Variants in SYNDIG1L observed in about 807,000 individuals in gnomAD.
SYNDIG1L encodes the protein synapse differentiation-inducing gene protein 1-like.
In SYNDIG1L, 13 loss-of-function variants were observed where a neutral mutation model predicts 20.1. The ratio of observed to expected loss-of-function variants is 0.65; its 90% CI spans 0.42 to 1.03. SYNDIG1L has a LOEUF of 1.03. Ranked by LOEUF, SYNDIG1L falls within the 50% of genes least tolerant of loss-of-function variation. The pLI is 0.00. For missense variants in SYNDIG1L, 294 were observed against 305.1 expected, an observed-to-expected ratio of 0.96 and a Z score of 0.27; for synonymous variants, 128 against 129.3, an observed-to-expected ratio of 0.99 and a Z score of 0.07.
At chr14:74,474,950 A>G in the SYNDIG1L span, 1 of 152,212 alleles carries the variant, frequency 6.6e-6, no homozygotes, top group African/African-American at 2.4e-5. Flanking sequence ...ATGAAAGGGT[A>G]GTCTCTATTC....
the SYNDIG1L span, among the ~76,000 whole-genome samples, chr14:74,441,520 A>T: frequency 6.6e-6 from 1 of 152,114 alleles, no homozygotes; most frequent in African/African-American, 2.4e-5. Flanking sequence ...TTATATATAT[A>T]TTAGAGGCAG....
chr14:74,453,446 C>G, the SYNDIG1L span, among the ~76,000 whole-genome samples: 1 of 133,488 alleles, frequency 7.5e-6, no homozygotes, highest in East Asian at 2.3e-4. Context: ...AAGCAAGGAA[C>G]AGGGGAACAG....
At chr14:74,468,498 C>G in the SYNDIG1L span, among the ~76,000 whole-genome samples, 43 of 151,984 alleles carry the variant, frequency 2.8e-4, 1 homozygote, top group African/African-American at 9.9e-4. Context: ...CCTTTTTTCC[C>G]TCAACCTTTA....
At chr14:74,419,029 C>T (rs2086200123) in intron 1 of SYNDIG1L, among the ~76,000 whole-genome samples, 1 of 152,202 alleles carries the variant, frequency 6.6e-6, no homozygotes, top group South Asian at 2.1e-4. Flanking sequence ...ATCACTGGCA[C>T]ATCATTCCCC....
At chr14:74,435,426 A>G in the SYNDIG1L span, among the ~76,000 whole-genome samples, 1 of 152,254 alleles carries the variant, frequency 6.6e-6, no homozygotes, top group Admixed American at 6.5e-5. Context: ...AATCTTCTGT[A>G]GAATTCAACC....
At chr14:74,427,036 G>A (rs2086272355), upstream of SYNDIG1L, among the ~76,000 whole-genome samples, 1 of 151,572 alleles carries the variant, frequency 6.6e-6, no homozygotes, top group Non-Finnish European at 1.5e-5. Flanking sequence ...TTCCCAGCAA[G>A]AGCCCTGAGA....
chr14:74,425,252 C>T (rs906788167), intron 1 of SYNDIG1L, among the ~76,000 whole-genome samples: 15 of 152,220 alleles, frequency 9.9e-5, no homozygotes, highest in African/African-American at 2.2e-4. Flanking sequence ...GAAAACAGGA[C>T]CCAGGTTCCC....
the SYNDIG1L span, among the ~76,000 whole-genome samples, chr14:74,451,484 T>C: frequency 2.0e-5 from 3 of 152,146 alleles, no homozygotes; most frequent in African/African-American, 7.2e-5. Flanking sequence ...AAGATGACAT[T>C]GGAAAAAAAT....
At chr14:74,430,323 T>C (rs1039483883), upstream of SYNDIG1L, among the ~76,000 whole-genome samples, 1 of 152,090 alleles carries the variant, frequency 6.6e-6, no homozygotes, top group African/African-American at 2.4e-5. Flanking sequence ...TGAGTGAGCG[T>C]ATATGTGTGA....
chr14:74,420,504 A>G (rs779046125), intron 1 of SYNDIG1L, among the ~76,000 whole-genome samples: 11 of 152,108 alleles, frequency 7.2e-5, no homozygotes, highest in Non-Finnish European at 7.4e-5. Context: ...GGCTAAATGA[A>G]CAGGAATCTG....
chr14:74,409,288 T>TG (rs753000589), intron 2 of SYNDIG1L, 40 bp downstream of exon 2: 1 of 1,375,886 alleles, frequency 7.3e-7, no homozygotes, highest in Admixed American at 2.6e-5. Flanking sequence ...CTCCTTGTGT[T>TG]GCTCATGCTG....
intron 1 of SYNDIG1L, among the ~76,000 whole-genome samples, chr14:74,415,131 C>T (rs532964735): frequency 2.6e-5 from 4 of 152,316 alleles, no homozygotes; most frequent in Admixed American, 2.6e-4. Flanking sequence ...TGGTTTTCAG[C>T]TGGGACCTCT....
chr14:74,446,569 A>G, the SYNDIG1L span, among the ~76,000 whole-genome samples: 1 of 152,062 alleles, frequency 6.6e-6, no homozygotes, highest in Non-Finnish European at 1.5e-5. Flanking sequence ...GCTATGGTAA[A>G]GAATTCTCAA....
the SYNDIG1L span, chr14:74,476,601 A>G: frequency 7.8e-6 from 12 of 1,531,762 alleles, no homozygotes; most frequent in African/African-American, 1.5e-4. Flanking sequence ...ATCTGCAGAA[A>G]GTAGAAGAGG....
At chr14:74,445,796 T>C in the SYNDIG1L span, among the ~76,000 whole-genome samples, 2 of 152,204 alleles carry the variant, frequency 1.3e-5, no homozygotes, top group Non-Finnish European at 2.9e-5. Context: ...TATTTGAGTA[T>C]GCATGTAGTC....
chr14:74,446,335 A>G, the SYNDIG1L span, among the ~76,000 whole-genome samples: 3 of 152,312 alleles, frequency 2.0e-5, no homozygotes, highest in South Asian at 6.2e-4. Flanking sequence ...GCCTACAGAA[A>G]TTTTCTAAAA....
At chr14:74,413,360 C>A (rs568128302) in intron 1 of SYNDIG1L, among the ~76,000 whole-genome samples, 3 of 152,276 alleles carry the variant, frequency 2.0e-5, no homozygotes, top group Admixed American at 1.3e-4. Flanking sequence ...AAACGTCCAG[C>A]AATTGGGAAC....
chr14:74,438,904 G>C, the SYNDIG1L span, among the ~76,000 whole-genome samples: 7 of 152,130 alleles, frequency 4.6e-5, no homozygotes, highest in African/African-American at 1.7e-4. Flanking sequence ...TCTGAAGTCA[G>C]GTGTTCAAGA....
chr14:74,408,783 G>A (rs8014124), intron 2 of SYNDIG1L, among the ~76,000 whole-genome samples: 67,396 of 151,836 alleles, frequency 0.44, 15,395 homozygotes, highest in Non-Finnish European at 0.5. Context: ...GGAGTGGGCT[G>A]GGGGAAAATG....
Sources: allele counts gnomAD v4.1 joint callset (sites outside exome capture counted in the v4.1 genomes callset), GRCh38; gene constraint gnomAD v4.1.1; transcripts MANE v1.5; gene names NCBI Gene and HGNC (gene_info 2026-07-23, HGNC 2026-07-21).